RBMS3: variants seen among roughly 807,000 people sequenced by gnomAD.
The protein encoded by RBMS3 is RNA binding motif single stranded interacting protein 3.
In RBMS3, 27 loss-of-function variants were observed where a neutral mutation model predicts 66.8. That is an observed-to-expected ratio of 0.40 (90% CI 0.30 to 0.56). The LOEUF is 0.56. Ranked by LOEUF, RBMS3 falls within the 20% of genes least tolerant of loss-of-function variation. RBMS3 has a pLI of 0.40. For missense variants in RBMS3, 513 were observed against 549.5 expected, an observed-to-expected ratio of 0.93 and a Z score of 0.66; for synonymous variants, 188 against 183.0, an observed-to-expected ratio of 1.03 and a Z score of -0.22.
intron 4 of RBMS3, among the ~76,000 whole-genome samples, chr3:29,679,070 C>G (rs572495578): frequency 3.4e-4 from 51 of 152,094 alleles, no homozygotes; most frequent in African/African-American, 1.1e-3. Context: ...TCAGAATCAC[C>G]TGGGAGCTTG....
Position 29,829,039 on chromosome 3 carries a change from T to G in RBMS3, c.638-39819T>G, listed in dbSNP as rs868089221. Among the ~76,000 whole-genome samples the G allele has an allele frequency of 6.5e-5, 3 of 46,336 alleles. No individual in the cohort carries two copies. In the East Asian group the frequency reaches 8.3e-4, roughly 13 times the overall value. The allele number at this position is 46,336 out of a possible 152,430, so 30.4% of individuals were successfully genotyped here. A position where few individuals can be genotyped will look rare whatever the true frequency, so the allele number is the denominator to read the frequency against. The stretch of plus-strand genomic sequence containing the variant: ...CTTTCTTTCTTTCTTTCTTTCTTTC[T>G]TTCTTTCTTTTGTTTTGTTTTTTGA... On this transcript the variant is annotated intron_variant, in intron 6 of 14. Coordinates refer to ENST00000383767, the MANE Select transcript of RBMS3 (RefSeq NM_001003793.3).
At chr3:29,295,366 TATATATATATACAC>T (rs1032532321) in intron 1 of RBMS3, among the ~76,000 whole-genome samples, 2 of 146,026 alleles carry the variant, frequency 1.4e-5, no homozygotes, top group African/African-American at 5.0e-5. Flanking sequence ...TACACACACA[TATATATATATACAC>T]ATATATATAT....
At chr3:29,426,845 C>G (rs2040978776) in intron 1 of RBMS3, among the ~76,000 whole-genome samples, 1 of 150,576 alleles carries the variant, frequency 6.6e-6, no homozygotes, top group Non-Finnish European at 1.5e-5. Flanking sequence ...GATGAGAAAA[C>G]AAAGAATTAC....
chr3:29,720,839 G>A (rs191926969), intron 4 of RBMS3, among the ~76,000 whole-genome samples: 21 of 152,050 alleles, frequency 1.4e-4, no homozygotes, highest in Admixed American at 1.4e-3. Context: ...TAATTATCTG[G>A]TGCCAAAGAG....
At chr3:29,522,385 G>A (rs2044893755) in intron 3 of RBMS3, among the ~76,000 whole-genome samples, 1 of 152,046 alleles carries the variant, frequency 6.6e-6, no homozygotes, top group Non-Finnish European at 1.5e-5. Flanking sequence ...GTAGAGACGG[G>A]GTTTTATCAC....
intron 1 of RBMS3, among the ~76,000 whole-genome samples, chr3:29,399,108 C>T (rs1159057590): frequency 6.6e-6 from 1 of 152,044 alleles, no homozygotes; most frequent in Non-Finnish European, 1.5e-5. Flanking sequence ...GCCTCATTTC[C>T]CTTTCTTGCC....
chr3:29,351,867 G>A (rs932796551), intron 1 of RBMS3, among the ~76,000 whole-genome samples: 1 of 151,718 alleles, frequency 6.6e-6, no homozygotes, highest in African/African-American at 2.4e-5. Context: ...TTTAGTGTAA[G>A]CGATGGAATA....
intron 6 of RBMS3, chr3:29,766,551 C>A (rs1418065081): frequency 6.6e-6 from 1 of 151,914 alleles, no homozygotes; most frequent in South Asian, 2.1e-4. Flanking sequence ...TGGAAGAGAA[C>A]TTTACAGATA....
chr3:29,640,308 AAG>A (rs1440942925), intron 4 of RBMS3, among the ~76,000 whole-genome samples: 1 of 151,434 alleles, frequency 6.6e-6, no homozygotes, highest in Non-Finnish European at 1.5e-5. Flanking sequence ...GAAAGACGGA[AAG>A]AAAACAGCAA....
At chr3:29,402,401 T>C (rs1263893873) in intron 1 of RBMS3, among the ~76,000 whole-genome samples, 1 of 152,088 alleles carries the variant, frequency 6.6e-6, no homozygotes, top group Non-Finnish European at 1.5e-5. Flanking sequence ...TTTGTTTTTG[T>C]ATTCCCTGCA....
chr3:29,338,984 C>T (rs899967806), intron 1 of RBMS3, among the ~76,000 whole-genome samples: 1 of 152,116 alleles, frequency 6.6e-6, no homozygotes, highest in African/African-American at 2.4e-5. Flanking sequence ...CTCTGCCACT[C>T]TTGCTACTAA....
intron 4 of RBMS3, among the ~76,000 whole-genome samples, chr3:29,671,548 G>A (rs889725110): frequency 6.6e-5 from 10 of 152,224 alleles, no homozygotes; most frequent in Admixed American, 3.3e-4. Flanking sequence ...AAGATTAGAC[G>A]AATGGCTAAC....
At chr3:29,897,544 G>T (rs1210656445) in intron 9 of RBMS3, 69 bp downstream of exon 9, 9 of 1,406,210 alleles carry the variant, frequency 6.4e-6, no homozygotes, top group Non-Finnish European at 9.0e-6. Flanking sequence ...GAGGCAAAAA[G>T]GACACAGTAG....
At position 29,483,635 on chromosome 3, in the gene RBMS3, C is replaced by G. The variant is rs573768520; in HGVS notation, c.249-4806C>G. On this transcript the variant is annotated intron_variant, in intron 2 of 14. Transcript: ENST00000383767. ...TCAAACTCGAAATGCTGTTTGTAGC[C>G]CTAGGTTCCTGGTGAAGCTCTTTGT... Among the ~76,000 whole-genome samples, 10 of 152,214 alleles carry G rather than the reference C, an allele frequency of 6.6e-5. 1 individual carries two copies. The highest frequency in any genetic ancestry group is 2.4e-4 in the African/African-American group (10 of 41,520).
chr3:29,348,110 G>A (rs550763972), intron 1 of RBMS3, among the ~76,000 whole-genome samples: 54 of 150,414 alleles, frequency 3.6e-4, no homozygotes, highest in African/African-American at 1.2e-3. Flanking sequence ...TTAAGTAAAT[G>A]ACAAGTAAAC....
chr3:29,921,859 A>G (rs2060789004), intron 10 of RBMS3, among the ~76,000 whole-genome samples: 1 of 152,096 alleles, frequency 6.6e-6, no homozygotes, highest in African/African-American at 2.4e-5. Flanking sequence ...TCAGCTTGAT[A>G]CTCAGTGATC....
chr3:29,375,587 A>T (rs570451525), intron 1 of RBMS3, among the ~76,000 whole-genome samples: 1 of 152,354 alleles, frequency 6.6e-6, no homozygotes, highest in South Asian at 2.1e-4. Context: ...CATGCAGCCA[A>T]CAAACATATG....
At chr3:29,925,517 G>A (rs1245537854) in intron 10 of RBMS3, among the ~76,000 whole-genome samples, 1 of 152,116 alleles carries the variant, frequency 6.6e-6, no homozygotes, top group Non-Finnish European at 1.5e-5. Flanking sequence ...AATATCAGTG[G>A]CTGTCATTTA....
chr3:30,003,260 T>C (rs1324454327), intron 14 of RBMS3, among the ~76,000 whole-genome samples: 1 of 152,004 alleles, frequency 6.6e-6, no homozygotes, highest in African/African-American at 2.4e-5. Context: ...TAAAATGATA[T>C]TTTTCTAGTT....
Sources: gnomAD v4.1 joint callset for allele counts (sites outside exome capture counted in the v4.1 genomes callset) on GRCh38, gnomAD v4.1.1 for gene constraint, MANE v1.5 for transcripts, NCBI Gene and HGNC (gene_info 2026-07-23, HGNC 2026-07-21) for gene names.